The following MBNL2 variants were observed in gnomAD, a reference collection of about 807,000 sequenced individuals.
MBNL2 encodes muscleblind like splicing regulator 2.
In MBNL2, 17 loss-of-function variants were observed where a neutral mutation model predicts 41.9. The observed-to-expected ratio is 0.41, with a 90% confidence interval of 0.28 to 0.61. The LOEUF (loss-of-function observed/expected upper bound fraction) is 0.61. MBNL2 is among the 20% of genes least tolerant of loss of function. The pLI is 0.35. For synonymous variants in MBNL2, 195 were observed against 182.9 expected, an observed-to-expected ratio of 1.07 and a Z score of -0.53; for missense variants, 336 against 505.6, an observed-to-expected ratio of 0.66 and a Z score of 3.22.
At chr13:97,205,356 C>T in the MBNL2 span, among the ~76,000 whole-genome samples, 1 of 151,116 alleles carries the variant, frequency 6.6e-6, no homozygotes, top group African/African-American at 2.4e-5. Flanking sequence ...CGCCACTGCA[C>T]TCTAGCCTGG....
At chr13:97,300,393 G>A (rs1016578235) in intron 2 of MBNL2, among the ~76,000 whole-genome samples, 3 of 152,166 alleles carry the variant, frequency 2.0e-5, no homozygotes, top group Non-Finnish European at 2.9e-5. Flanking sequence ...TTCATAGAAG[G>A]TCGGTGGGGG....
chr13:97,172,118 G>A, the MBNL2 span, among the ~76,000 whole-genome samples: 9 of 152,128 alleles, frequency 5.9e-5, no homozygotes, highest in Non-Finnish European at 1.3e-4. Context: ...TTCAAGATGA[G>A]GGTGAAGAGC....
chr13:97,165,652 A>G, the MBNL2 span, among the ~76,000 whole-genome samples: 3 of 152,238 alleles, frequency 2.0e-5, no homozygotes, highest in East Asian at 3.8e-4. Context: ...AATCCGCACT[A>G]ACAGAGACAC....
chr13:97,371,130 C>CTAAG (rs1337440619), intron 8 of MBNL2, among the ~76,000 whole-genome samples: 1 of 152,050 alleles, frequency 6.6e-6, no homozygotes, highest in East Asian at 1.9e-4. Flanking sequence ...TTATAATATT[C>CTAAG]TAAGTTGTAA....
the MBNL2 span, among the ~76,000 whole-genome samples, chr13:97,208,339 T>C: frequency 2.6e-5 from 4 of 152,194 alleles, no homozygotes; most frequent in Admixed American, 1.3e-4. Context: ...TGCCAATTAA[T>C]AGATGTAGGA....
the MBNL2 span, among the ~76,000 whole-genome samples, chr13:97,162,227 T>C: frequency 6.6e-5 from 10 of 152,142 alleles, no homozygotes; most frequent in South Asian, 4.1e-4. Context: ...ACCTCCAACA[T>C]TGGGGATTAC....
At chr13:97,361,218 G>T (rs781366810) in intron 7 of MBNL2, among the ~76,000 whole-genome samples, 6 of 152,204 alleles carry the variant, frequency 3.9e-5, no homozygotes, top group African/African-American at 1.2e-4. Context: ...ACCAGGTGGT[G>T]GTTACGAAGG....
At chr13:97,186,047 T>A in the MBNL2 span, among the ~76,000 whole-genome samples, 1 of 152,220 alleles carries the variant, frequency 6.6e-6, no homozygotes, top group Non-Finnish European at 1.5e-5. Flanking sequence ...GCCCTCAGCC[T>A]AGATGCTCTC....
At chr13:97,342,474 T>C (rs893923154) in intron 3 of MBNL2, among the ~76,000 whole-genome samples, 1 of 152,226 alleles carries the variant, frequency 6.6e-6, no homozygotes, top group African/African-American at 2.4e-5. Context: ...GAAAACTACA[T>C]TTGAATTTTG....
chr13:97,360,729 A>G (rs1049738380), intron 7 of MBNL2, among the ~76,000 whole-genome samples: 2 of 152,260 alleles, frequency 1.3e-5, no homozygotes, highest in Non-Finnish European at 2.9e-5. Flanking sequence ...GACAGCTGAA[A>G]TATTTGTGCA....
intron 1 of MBNL2, among the ~76,000 whole-genome samples, chr13:97,270,323 T>G (rs2050694478): frequency 6.6e-6 from 1 of 152,228 alleles, no homozygotes; most frequent in African/African-American, 2.4e-5. Context: ...GTAATAACTA[T>G]GAAACAATCT....
chr13:97,161,497 A>T, the MBNL2 span, among the ~76,000 whole-genome samples: 1 of 152,224 alleles, frequency 6.6e-6, no homozygotes, highest in Non-Finnish European at 1.5e-5. Context: ...AGTCAAAGGT[A>T]CTGCACTGCC....
upstream of MBNL2, among the ~76,000 whole-genome samples, chr13:97,220,725 A>T (rs2040784835): frequency 6.6e-6 from 1 of 152,180 alleles, no homozygotes; most frequent in African/African-American, 2.4e-5. Context: ...GTTCTGGCCT[A>T]CCTGGGAGGG....
At chr13:97,229,424 A>G (rs1389140012) in intron 1 of MBNL2, among the ~76,000 whole-genome samples, 1 of 152,058 alleles carries the variant, frequency 6.6e-6, no homozygotes, top group Non-Finnish European at 1.5e-5. Flanking sequence ...CATCTTATAT[A>G]TTATTTAGCT....
the MBNL2 span, among the ~76,000 whole-genome samples, chr13:97,159,127 C>A: frequency 2.0e-5 from 3 of 152,052 alleles, no homozygotes; most frequent in South Asian, 2.1e-4. Context: ...TTCTTGTTGA[C>A]TTGATCCCTT....
rs984477419 is a variant in MBNL2 at position 97,268,392 on chromosome 13, C to T, written c.-604-7240C>T. 1.7e-4 allele frequency among the ~76,000 whole-genome samples: 26 copies of T among 152,146 alleles called. No homozygotes were observed. Among genetic ancestry groups the T allele is most frequent in the African/African-American group, 4.3e-4 (18 of 41,434 alleles). On this transcript the variant is annotated intron_variant, in intron 1 of 8. Coordinates refer to ENST00000679496, the MANE Select transcript of MBNL2 (RefSeq NM_001382683.1). This position sits in a 1 kb window ranked among gnomAD's most constrained non-coding sequence, Gnocchi z 4.6. The stretch of plus-strand genomic sequence containing the variant: ...CTGGGATTACAGGTGTGAGCCACTG[C>T]GCCGGGCCGAGAGTGTGCATTCCTA...
the MBNL2 span, among the ~76,000 whole-genome samples, chr13:97,180,932 A>G: frequency 7.9e-5 from 12 of 152,234 alleles, no homozygotes; most frequent in South Asian, 2.1e-3. Context: ...GCAGAGCTGC[A>G]TTCCTTCTGG....
At chr13:97,258,049 C>A (rs922231381) in intron 1 of MBNL2, among the ~76,000 whole-genome samples, 2 of 152,146 alleles carry the variant, frequency 1.3e-5, no homozygotes, top group Non-Finnish European at 2.9e-5. Flanking sequence ...TGAGGAGCGC[C>A]CCCCGTCTGG....
rs148559903 is a variant in MBNL2 at position 97,342,349 on chromosome 13, A to G, written c.340-667A>G. Among the ~76,000 whole-genome samples the G allele has an allele frequency of 3.2e-3, 491 of 152,320 alleles. 4 individuals carry two copies. The highest frequency in any genetic ancestry group is 0.011 in the African/African-American group (439 of 41,576). ...ACCTAGGAAACCAAACCAACTTTTAATGGCCAATCACAATATTGTTTGATT... is the reference window on the plus strand; with the variant it reads ...ACCTAGGAAACCAAACCAACTTTTAGTGGCCAATCACAATATTGTTTGATT... On this transcript the variant is annotated intron_variant, in intron 3 of 8. Coordinates refer to ENST00000679496, the MANE Select transcript of MBNL2 (RefSeq NM_001382683.1).
Sources: allele counts gnomAD v4.1 joint callset (sites outside exome capture counted in the v4.1 genomes callset), GRCh38; gene constraint gnomAD v4.1.1; non-coding constraint Gnocchi (gnomAD v3.1); transcripts MANE v1.5; gene names NCBI Gene and HGNC (gene_info 2026-07-23, HGNC 2026-07-21).